MYO3B: variants seen among roughly 807,000 people sequenced by gnomAD.
The protein encoded by MYO3B is myosin-IIIb.
A neutral mutation model predicts 174.6 loss-of-function variants in MYO3B; 156 were observed. That is an observed-to-expected ratio of 0.89 (90% CI 0.78 to 1.02). The LOEUF is 1.02. Among genes scored for constraint, MYO3B ranks in the 50% least tolerant of loss-of-function variants. The pLI is 0.00. For missense variants in MYO3B, 1,632 were observed against 1,639.4 expected (o/e 1.00, Z 0.08); for synonymous variants, 563 against 569.1 (o/e 0.99, Z 0.15).
chr2:170,470,835 G>A (rs1684937801), intron 25 of MYO3B, among the ~76,000 whole-genome samples: 2 of 152,150 alleles, frequency 1.3e-5, no homozygotes, highest in Non-Finnish European at 2.9e-5. Context: ...ATGATGTTGA[G>A]CAGCTTTTCT....
intron 32 of MYO3B, among the ~76,000 whole-genome samples, chr2:170,588,074 G>T (rs979129346): frequency 6.6e-6 from 1 of 152,052 alleles, no homozygotes; most frequent in African/African-American, 2.4e-5. Context: ...AGTGTTGAAG[G>T]CTACAAATTA....
chr2:170,480,220 C>A (rs1220543182), intron 25 of MYO3B, among the ~76,000 whole-genome samples: 1 of 152,130 alleles, frequency 6.6e-6, no homozygotes, highest in Non-Finnish European at 1.5e-5. Flanking sequence ...CTTTCACGGG[C>A]CCCAAGGCAA....
At chr2:170,438,280 G>A (rs72878216) in intron 22 of MYO3B, among the ~76,000 whole-genome samples, 9,815 of 152,026 alleles carry the variant, frequency 0.065, 415 homozygotes, top group Non-Finnish European at 0.083. Flanking sequence ...TTTTAAGGCT[G>A]GGTATTCAAT....
intron 1 of MYO3B, among the ~76,000 whole-genome samples, chr2:170,188,947 T>G (rs192119718): frequency 6.6e-6 from 1 of 152,234 alleles, no homozygotes; most frequent in Non-Finnish European, 1.5e-5. Flanking sequence ...CAGTGAGTTT[T>G]GTACCTTCAA....
rs1030714860 is a variant in MYO3B, at chr2:170,594,827, G to GCGCA, written c.3733+50840_3733+50841insGCAC. On this transcript the variant is annotated intron_variant, in intron 32 of 34. Transcript: ENST00000408978. ...GAGTATGCACTCTTTCCCAGCGCGC[G>GCGCA]CACACACACACACACACACACACAC... Among the ~76,000 whole-genome samples the GCGCA allele has an allele frequency of 3.7e-4, 50 of 135,100 alleles. 1 individual carries two copies. The highest frequency in any genetic ancestry group is 1.6e-4 in the Admixed American group (2 of 12,570). 88.6% of individuals were successfully genotyped at this position (135,100 alleles called of 152,430 possible).
At chr2:170,199,434 T>C (rs1306111996) in intron 2 of MYO3B, 43 bp downstream of exon 2, 18 of 1,397,192 alleles carry the variant, frequency 1.3e-5, no homozygotes, top group East Asian at 2.4e-5. Context: ...TGGTGTTTTA[T>C]GCACACTGAG....
At chr2:170,650,610 T>C (rs895487092) in intron 32 of MYO3B, among the ~76,000 whole-genome samples, 2 of 150,668 alleles carry the variant, frequency 1.3e-5, no homozygotes, top group South Asian at 4.2e-4. Context: ...CTGATTCAGA[T>C]ATAGAGCCAA....
At chr2:170,303,116 G>A (rs1318875831) in intron 7 of MYO3B, among the ~76,000 whole-genome samples, 3 of 151,872 alleles carry the variant, frequency 2.0e-5, no homozygotes, top group African/African-American at 7.3e-5. Context: ...TTCCTTTATG[G>A]CTTTATAGTT....
intron 8 of MYO3B, among the ~76,000 whole-genome samples, chr2:170,338,407 T>G: frequency 6.6e-6 from 1 of 152,298 alleles, no homozygotes; most frequent in South Asian, 2.1e-4. Context: ...GTGAAAAATT[T>G]TATATAATAG....
At chr2:170,414,312 T>C (rs2094564705) in intron 22 of MYO3B, among the ~76,000 whole-genome samples, 1 of 151,976 alleles carries the variant, frequency 6.6e-6, no homozygotes, top group Non-Finnish European at 1.5e-5. Context: ...CTCAGCCTCT[T>C]GAGTAGCTGG....
chr2:170,217,191 T>C (rs2092838656), intron 5 of MYO3B, 128 bp from the exon 6 acceptor site: 3 of 769,190 alleles, frequency 3.9e-6, no homozygotes, highest in Non-Finnish European at 4.7e-6. Context: ...AACTGAGTAG[T>C]TGTGACAGAG....
chr2:170,457,555 C>G (rs1479531112), intron 23 of MYO3B, among the ~76,000 whole-genome samples: 3 of 152,136 alleles, frequency 2.0e-5, no homozygotes, highest in Non-Finnish European at 4.4e-5. Context: ...TACACAGGCT[C>G]AGGATCATCA....
intron 6 of MYO3B, among the ~76,000 whole-genome samples, chr2:170,234,892 T>C (rs1393822278): frequency 1.3e-5 from 2 of 152,218 alleles, no homozygotes; most frequent in African/African-American, 2.4e-5. Flanking sequence ...ATCCCTGCAG[T>C]AACATATTTA....
intron 32 of MYO3B, among the ~76,000 whole-genome samples, chr2:170,572,422 T>C (rs4668280): frequency 0.68 from 102,076 of 149,546 alleles, 34,980 homozygotes; most frequent in East Asian, 0.8. Flanking sequence ...AGCAAGACTC[T>C]GTCTCAAAAA....
At chr2:170,301,569 A>G (rs867921772) in intron 7 of MYO3B, among the ~76,000 whole-genome samples, 10 of 152,338 alleles carry the variant, frequency 6.6e-5, no homozygotes, top group Admixed American at 3.9e-4. Context: ...AAGGTGAAAG[A>G]GGCAGAATCC....
intron 32 of MYO3B, among the ~76,000 whole-genome samples, chr2:170,568,285 A>T (rs568931753): frequency 6.6e-6 from 1 of 152,254 alleles, no homozygotes; most frequent in East Asian, 1.9e-4. Context: ...GATACTATGC[A>T]CAATGCATTT....
chr2:170,544,815 A>G (rs1654267348), intron 32 of MYO3B, among the ~76,000 whole-genome samples: 1 of 152,206 alleles, frequency 6.6e-6, no homozygotes. Context: ...AACCTTTTAA[A>G]TGGACATGTA....
At chr2:170,575,562 C>T (rs1028025280) in intron 32 of MYO3B, among the ~76,000 whole-genome samples, 1 of 152,062 alleles carries the variant, frequency 6.6e-6, no homozygotes, top group Non-Finnish European at 1.5e-5. Context: ...GTGTTTTGGG[C>T]TTTTTTTCTA....
At chr2:170,514,476 C>T (rs13010546) in intron 28 of MYO3B, among the ~76,000 whole-genome samples, 41,223 of 152,028 alleles carry the variant, frequency 0.27, 5,816 homozygotes, top group East Asian at 0.5. Flanking sequence ...GAGGAGAAAA[C>T]GGAGCAGCTT....
Sources: allele counts gnomAD v4.1 joint callset (sites outside exome capture counted in the v4.1 genomes callset), GRCh38; gene constraint gnomAD v4.1.1; transcripts MANE v1.5; gene names NCBI Gene and HGNC (gene_info 2026-07-23, HGNC 2026-07-21).